The following PAMR1 variants were observed in gnomAD, a reference collection of about 807,000 sequenced individuals.
PAMR1 encodes peptidase domain containing associated with muscle regeneration 1.
In PAMR1, 88 loss-of-function variants were observed where a neutral mutation model predicts 81.8. That is an observed-to-expected ratio of 1.08 (90% CI 0.91 to 1.28). PAMR1 has a LOEUF of 1.28. PAMR1 is among the 50% of genes most tolerant of loss of function. The probability of loss-of-function intolerance (pLI) is 0.00; values close to 1 mark genes in which losing one functional copy is unlikely to be tolerated. For missense variants in PAMR1, 935 were observed against 919.7 expected (o/e 1.02, Z -0.21); for synonymous variants, 336 against 345.3 (o/e 0.97, Z 0.30).
intron 1 of PAMR1, among the ~76,000 whole-genome samples, chr11:35,520,974 C>T (rs373382898): frequency 1.3e-5 from 2 of 152,184 alleles, no homozygotes; most frequent in African/African-American, 2.4e-5. Flanking sequence ...ATCCATTGTC[C>T]ATGCCAATGG....
chr11:35,432,840 T>A lies in PAMR1; in HGVS notation c.1679A>T (p.Asp560Val). ...PNYDPILLDA[D>V]IAILKLLDKA... is the part of the protein sequence containing the mutation. Reference sequence around the variant, plus strand: ...GTCTAGGAGCTTCAGGATGGCGATGTCAGCATCAAGCAGGATGGGGTCATA... The same window carrying A: ...GTCTAGGAGCTTCAGGATGGCGATGACAGCATCAAGCAGGATGGGGTCATA... Residue 560 changes from aspartate (D) to valine (V), a missense_variant, in exon 11 of 11, where the codon GAC (aspartate) becomes GTC (valine). Asp to Val is a radical substitution (Grantham distance 152). Transcript: ENST00000619888. 2.5e-6 allele frequency: 4 copies of A among 1,601,400 alleles called. No individual in the cohort carries two copies. The highest frequency in any genetic ancestry group is 3.4e-6 in the Non-Finnish European group (4 of 1,179,458).
rs1855920787 is a variant in PAMR1 at position 35,432,197 on chromosome 11, G to T, written c.*159C>A. The T allele has an allele frequency of 4.7e-6, 3 of 641,632 alleles. No homozygotes were observed. The highest frequency in any genetic ancestry group is 3.7e-5 in the African/African-American group (2 of 54,706). 39.7% of individuals were successfully genotyped at this position (641,632 alleles called of 1,614,324 possible). A position where few individuals can be genotyped will look rare whatever the true frequency, so the allele number is the denominator to read the frequency against. ...CGGCATCAGCCTACCAGCAATGGAG[G>T]TCTACTCACCCTTCACTGAGTTTTG... On this transcript the variant is annotated 3_prime_UTR_variant, in exon 11 of 11. Transcript: ENST00000619888.
chr11:35,444,979 A>G (rs1344813116), intron 6 of PAMR1, among the ~76,000 whole-genome samples: 9 of 151,888 alleles, frequency 5.9e-5, no homozygotes, highest in Admixed American at 5.2e-4. Flanking sequence ...TGAGCGTGGA[A>G]TGTTTTTCCA....
intron 3 of PAMR1, among the ~76,000 whole-genome samples, chr11:35,482,150 A>G (rs1367566163): frequency 6.6e-6 from 1 of 152,162 alleles, no homozygotes; most frequent in Non-Finnish European, 1.5e-5. Context: ...GTTTTCTTCT[A>G]GGGTTTTTAT....
chr11:35,524,912 C>T (rs1851356266), intron 1 of PAMR1, among the ~76,000 whole-genome samples: 1 of 152,212 alleles, frequency 6.6e-6, no homozygotes, highest in Admixed American at 6.5e-5. Flanking sequence ...ACAATCTGCA[C>T]TTTTAACCTT....
chr11:35,461,829 C>T (rs182944463), intron 6 of PAMR1, among the ~76,000 whole-genome samples: 2 of 152,108 alleles, frequency 1.3e-5, no homozygotes, highest in African/African-American at 4.8e-5. Flanking sequence ...AGACAGTGGC[C>T]CACTAGCTAA....
chr11:35,525,739 G>T, upstream of PAMR1: 4 of 653,892 alleles, frequency 6.1e-6, no homozygotes, highest in Middle Eastern at 4.1e-4. Context: ...CTCATCTGAG[G>T]GGAACCACCT....
At chr11:35,525,817 G>A, upstream of PAMR1, 4 of 573,870 alleles carry the variant, frequency 7.0e-6, no homozygotes, top group Non-Finnish European at 1.2e-5. Flanking sequence ...GCCCCGGGAG[G>A]TGTGGCCACG....
intron 1 of PAMR1, among the ~76,000 whole-genome samples, chr11:35,505,776 A>G (rs1281163892): frequency 6.6e-6 from 1 of 152,134 alleles, no homozygotes; most frequent in Non-Finnish European, 1.5e-5. Context: ...TAGGCAGCAT[A>G]TAATTGAGTC....
intron 6 of PAMR1, among the ~76,000 whole-genome samples, chr11:35,465,861 G>A (rs1369350097): frequency 6.6e-6 from 1 of 152,174 alleles, no homozygotes. Flanking sequence ...TTATGAATCA[G>A]TTCATAGTGA....
chr11:35,466,400 C>T (rs917227627), intron 6 of PAMR1, among the ~76,000 whole-genome samples: 9 of 152,150 alleles, frequency 5.9e-5, no homozygotes, highest in Non-Finnish European at 8.8e-5. Context: ...CTATTGAAAC[C>T]ATGGTTTCCA....
Position 35,432,848 on chromosome 11 carries a change from A to C in PAMR1, c.1671T>G (p.Leu557=). 6.3e-7 allele frequency: 1 copy of C among 1,599,676 alleles called. No homozygotes were observed. Among genetic ancestry groups the C allele is most frequent in the Non-Finnish European group, 8.5e-7 (1 of 1,178,884 alleles). Reference sequence around the variant, plus strand: ...GCTTCAGGATGGCGATGTCAGCATCAAGCAGGATGGGGTCATAGTTGGGAT... The same window carrying C: ...GCTTCAGGATGGCGATGTCAGCATCCAGCAGGATGGGGTCATAGTTGGGAT... ...ILHPNYDPIL[L]DADIAILKLL... The change falls in exon 11 of 11, where the codon CTT becomes CTG. Residue 557 remains leucine (L), a synonymous_variant. Coordinates refer to ENST00000619888, the MANE Select transcript of PAMR1 (RefSeq NM_001001991.3).
chr11:35,495,917 T>C (rs1850720049), intron 1 of PAMR1, among the ~76,000 whole-genome samples: 1 of 152,244 alleles, frequency 6.6e-6, no homozygotes, highest in African/African-American at 2.4e-5. Context: ...AAATTTGACT[T>C]TTTAAATCAT....
intron 6 of PAMR1, among the ~76,000 whole-genome samples, chr11:35,452,436 C>T (rs977965123): frequency 6.6e-6 from 1 of 152,048 alleles, no homozygotes; most frequent in African/African-American, 2.4e-5. Flanking sequence ...AAATGGAGTA[C>T]AAATAATATG....
intron 1 of PAMR1, among the ~76,000 whole-genome samples, chr11:35,509,582 G>T (rs1306645643): frequency 6.6e-6 from 1 of 152,152 alleles, no homozygotes; most frequent in Non-Finnish European, 1.5e-5. Context: ...TCTTAAAAAT[G>T]ATCTAGTTAA....
chr11:35,481,893 T>C (rs1850401117), intron 3 of PAMR1, among the ~76,000 whole-genome samples: 2 of 152,210 alleles, frequency 1.3e-5, no homozygotes, highest in South Asian at 4.1e-4. Context: ...TTTGTTTTTT[T>C]CTTGTAAATT....
intron 2 of PAMR1, among the ~76,000 whole-genome samples, chr11:35,493,292 GT>G (rs555814233): frequency 4.4e-4 from 67 of 152,232 alleles, no homozygotes; most frequent in Non-Finnish European, 7.1e-4. Flanking sequence ...GATTTCCAAT[GT>G]TATCAAAATA....
chr11:35,503,341 C>T (rs1850890696), intron 1 of PAMR1, among the ~76,000 whole-genome samples: 1 of 149,300 alleles, frequency 6.7e-6, no homozygotes, highest in South Asian at 2.1e-4. Flanking sequence ...ATTTGTGATT[C>T]CATATCAACT....
At chr11:35,449,715 C>A (rs907667464) in intron 6 of PAMR1, among the ~76,000 whole-genome samples, 10 of 152,152 alleles carry the variant, frequency 6.6e-5, no homozygotes, top group African/African-American at 2.4e-4. Context: ...GTGCTTGAGA[C>A]CAAAGGCCCT....
Sources: allele counts gnomAD v4.1 joint callset (sites outside exome capture counted in the v4.1 genomes callset), GRCh38; gene constraint gnomAD v4.1.1; transcripts MANE v1.5; gene names NCBI Gene and HGNC (gene_info 2026-07-23, HGNC 2026-07-21).